Variants in DLGAP2 observed in about 807,000 individuals in gnomAD.
DLGAP2 encodes the protein DLG associated protein 2.
A neutral mutation model predicts 100.3 loss-of-function variants in DLGAP2; 26 were observed. The ratio of observed to expected loss-of-function variants is 0.26; its 90% CI spans 0.19 to 0.36. The LOEUF is 0.36. Ranked by LOEUF, DLGAP2 falls within the 10% of genes least tolerant of loss-of-function variation. DLGAP2 has a pLI of 1.00. For missense variants in DLGAP2, 1,858 were observed against 1,453.2 expected (o/e 1.28, Z -4.53); for synonymous variants, 886 against 630.1 (o/e 1.41, Z -6.08).
In DLGAP2 at chr8:849,245, C is replaced by T. The variant is rs188594991; in HGVS notation, c.19-58667C>T. 5.5e-3 allele frequency among the ~76,000 whole-genome samples: 842 copies of T among 152,130 alleles called. 8 individuals are homozygous for T. The highest frequency in any genetic ancestry group is 0.01 in the Middle Eastern group (3 of 294). ...TGGTGTGTGTTCCAGCATAGGATCG[C>T]GTGGTGCACGTTGCAGCATAGGATC... On this transcript the variant is annotated intron_variant, in intron 1 of 14. Coordinates refer to ENST00000637795, the MANE Select transcript of DLGAP2 (RefSeq NM_001346810.2).
At chr8:1,067,292 C>G (rs891976761) in intron 2 of DLGAP2, among the ~76,000 whole-genome samples, 2 of 152,202 alleles carry the variant, frequency 1.3e-5, no homozygotes, top group African/African-American at 2.4e-5. Context: ...ATGCTCTGGT[C>G]AGGAGGTTCT....
intron 1 of DLGAP2, among the ~76,000 whole-genome samples, chr8:814,044 A>G (rs996736580): frequency 2.0e-5 from 3 of 152,180 alleles, no homozygotes; most frequent in African/African-American, 7.2e-5. Context: ...TAAAGGAGGG[A>G]CTGGAAAAGA....
intron 3 of DLGAP2, among the ~76,000 whole-genome samples, chr8:1,456,042 T>A (rs1321006848): frequency 6.6e-6 from 1 of 152,180 alleles, no homozygotes; most frequent in African/African-American, 2.4e-5. Context: ...GCTGATTGGA[T>A]TCTGAGGAAT....
At chr8:897,145 G>A (rs1221084434) in intron 1 of DLGAP2, among the ~76,000 whole-genome samples, 1 of 152,126 alleles carries the variant, frequency 6.6e-6, no homozygotes, top group African/African-American at 2.4e-5. Flanking sequence ...TGTGACAAAC[G>A]CTGATGTTTC....
intron 3 of DLGAP2, among the ~76,000 whole-genome samples, chr8:1,304,824 T>C (rs191148438): frequency 3.3e-5 from 5 of 152,188 alleles, no homozygotes; most frequent in African/African-American, 9.7e-5. Flanking sequence ...TTATAATAAA[T>C]GCTAAACACC....
chr8:1,236,110 A>G (rs62487772), intron 2 of DLGAP2, among the ~76,000 whole-genome samples: 51,323 of 52,032 alleles, frequency 0.99, 25,339 homozygotes, highest in East Asian at 0.99. Context: ...ACATGGTACC[A>G]TGTCTAGTTC....
At chr8:1,662,829 G>A in intron 8 of DLGAP2, among the ~76,000 whole-genome samples, 1 of 151,052 alleles carries the variant, frequency 6.6e-6, no homozygotes, top group African/African-American at 2.5e-5. Context: ...ATACATGTGT[G>A]AGTGTGGGGA....
At chr8:1,176,351 G>C (rs554122727) in intron 2 of DLGAP2, among the ~76,000 whole-genome samples, 2 of 152,202 alleles carry the variant, frequency 1.3e-5, no homozygotes, top group African/African-American at 2.4e-5. Context: ...ATTACAGTTC[G>C]AGGTGAGATT....
chr8:1,172,166 A>G (rs559341077), intron 2 of DLGAP2, among the ~76,000 whole-genome samples: 1 of 151,806 alleles, frequency 6.6e-6, no homozygotes, highest in Non-Finnish European at 1.5e-5. Flanking sequence ...TGGATATGAA[A>G]TTCTGGGTTG....
At chr8:1,584,379 G>A (rs1031207423) in intron 6 of DLGAP2, among the ~76,000 whole-genome samples, 13 of 152,182 alleles carry the variant, frequency 8.5e-5, no homozygotes, top group African/African-American at 3.1e-4. Flanking sequence ...GCAGACGCCA[G>A]ACTCCTCGTG....
At chr8:1,437,022 G>C (rs771519085) in intron 3 of DLGAP2, among the ~76,000 whole-genome samples, 12 of 151,996 alleles carry the variant, frequency 7.9e-5, no homozygotes, top group Non-Finnish European at 1.5e-4. Context: ...CGCCATCCGG[G>C]TCTGCGTTCA....
rs772924233 is a variant in DLGAP2, at chr8:1,392,886, TC to T, written c.107-108479del. On this transcript the variant is annotated intron_variant, in intron 3 of 14. Coordinates refer to ENST00000637795, the MANE Select transcript of DLGAP2 (RefSeq NM_001346810.2). ...GTGTGTCTTTGTTAAATGTGACGTT[TC>T]TGTTTTTTTTTTGAGACGGAGTCTC... Among the ~76,000 whole-genome samples, 426 of 137,346 alleles carry T rather than the reference TC, an allele frequency of 3.1e-3. 7 individuals are homozygous for T. In the East Asian group the frequency reaches 0.038, roughly 12 times the overall value. 90.1% of individuals were successfully genotyped at this position (137,346 alleles called of 152,430 possible). A position where few individuals can be genotyped will look rare whatever the true frequency, so the allele number is the denominator to read the frequency against.
intron 4 of DLGAP2, among the ~76,000 whole-genome samples, chr8:1,526,204 T>A (rs1800784321): frequency 6.6e-6 from 1 of 151,708 alleles, no homozygotes; most frequent in East Asian, 2.0e-4. Context: ...TGCTGGAGCC[T>A]CCTGCATTGA....
intron 2 of DLGAP2, among the ~76,000 whole-genome samples, chr8:1,232,936 C>T (rs6993304): frequency 0.058 from 8,903 of 152,208 alleles, 550 homozygotes; most frequent in African/African-American, 0.15. Context: ...CATTCTAGGC[C>T]CACCCCCTGC....
chr8:1,683,903 C>A (rs557533239), intron 12 of DLGAP2, among the ~76,000 whole-genome samples: 3 of 78,392 alleles, frequency 3.8e-5, no homozygotes, highest in African/African-American at 1.6e-4. Flanking sequence ...TGTGTATACA[C>A]ATATATGTGT....
intron 2 of DLGAP2, among the ~76,000 whole-genome samples, chr8:912,379 C>T (rs945062973): frequency 9.9e-5 from 15 of 152,282 alleles, no homozygotes; most frequent in Admixed American, 7.8e-4. Context: ...TTTGCAAATA[C>T]GTAATGGAAA....
At chr8:1,071,574 A>G (rs141945099) in intron 2 of DLGAP2, among the ~76,000 whole-genome samples, 1 of 151,728 alleles carries the variant, frequency 6.6e-6, no homozygotes, top group East Asian at 1.9e-4. Context: ...GATTCTTTCC[A>G]TTTTCTATTT....
intron 2 of DLGAP2, among the ~76,000 whole-genome samples, chr8:1,158,381 A>G (rs1041205792): frequency 7.9e-5 from 12 of 152,214 alleles, no homozygotes; most frequent in African/African-American, 2.9e-4. Flanking sequence ...CTCAGTAGAC[A>G]GTGTGTGTGA....
chr8:1,196,655 T>A (rs749935822), intron 2 of DLGAP2, among the ~76,000 whole-genome samples: 4 of 152,124 alleles, frequency 2.6e-5, no homozygotes, highest in Non-Finnish European at 5.9e-5. Context: ...AAGAGTAATT[T>A]GAAAACCACA....
Sources: allele counts gnomAD v4.1 joint callset (sites outside exome capture counted in the v4.1 genomes callset), GRCh38; gene constraint gnomAD v4.1.1; transcripts MANE v1.5; gene names NCBI Gene and HGNC (gene_info 2026-07-23, HGNC 2026-07-21).